The following OTOF variants were observed in gnomAD, a reference collection of about 807,000 sequenced individuals.
OTOF encodes fer-1-like family member 2.
In OTOF, 218 loss-of-function variants were observed where a neutral mutation model predicts 236.8. The observed-to-expected ratio is 0.92, with a 90% CI of 0.82 to 1.03. OTOF has a LOEUF of 1.03. OTOF is among the 50% of genes least tolerant of loss of function. The pLI is 0.00. For missense variants in OTOF, 2,590 were observed against 2,694.4 expected, an observed-to-expected ratio of 0.96 and a Z score of 0.86; for synonymous variants, 1,041 against 1,072.5, an observed-to-expected ratio of 0.97 and a Z score of 0.57.
intron 9 of OTOF, among the ~76,000 whole-genome samples, 170 bp downstream of exon 9, chr2:26,494,769 CAGA>C (rs775918736): frequency 7.9e-5 from 12 of 152,050 alleles, no homozygotes; most frequent in Non-Finnish European, 1.8e-4. Flanking sequence ...TCAGAGGATT[CAGA>C]AGATGTGGCT....
intron 23 of OTOF, 44 bp from the exon 24 acceptor site, chr2:26,476,082 C>A: frequency 6.2e-7 from 1 of 1,611,714 alleles, no homozygotes; most frequent in East Asian, 2.2e-5. Context: ...GGCAGCCCCT[C>A]CGGCCCCCTC....
chr2:26,497,664 AG>A (rs146595707), intron 8 of OTOF, among the ~76,000 whole-genome samples: 3,447 of 152,340 alleles, frequency 0.023, 48 homozygotes, highest in Middle Eastern at 0.044. Flanking sequence ...TTGCCAGGAA[AG>A]GGGATATTTA....
intron 11 of OTOF, among the ~76,000 whole-genome samples, chr2:26,484,935 C>T (rs918452379): frequency 4.6e-5 from 7 of 152,196 alleles, no homozygotes; most frequent in Admixed American, 2.6e-4. Flanking sequence ...TATGGCCCCA[C>T]CCCAGTCAGC....
rs758733355 is a variant in OTOF at position 26,479,315 on chromosome 2, C to G, written c.2163G>C (p.Gln721His). The change falls in exon 18 of 47, where the codon CAG becomes CAC. Residue 721 changes from glutamine to histidine, a missense_variant. Around this residue, in one of 2 missense-constraint regions of OTOF, gnomAD observed 1,379 missense variants for 1,341.6 expected, o/e 1.03. Coordinates refer to ENST00000272371, the MANE Select transcript of OTOF (RefSeq NM_194248.3). ...TGTTGGCATTGTAGAGGCGGCGGCG[C>G]TGGTCCGGCCACCAGCTCTTGATGT... is the stretch of plus-strand genomic sequence containing the variant. ...CIYIKSWWPD[Q>H]RRRLYNANIM... 1.2e-6 allele frequency: 2 copies of G among 1,612,224 alleles called. No homozygotes were observed. Among genetic ancestry groups the G allele is most frequent in the African/African-American group, 2.7e-5 (2 of 74,946 alleles).
At chr2:26,539,243 C>T (rs1475630700) in intron 1 of OTOF, among the ~76,000 whole-genome samples, 1 of 152,098 alleles carries the variant, frequency 6.6e-6, no homozygotes, top group Non-Finnish European at 1.5e-5. Flanking sequence ...GTTGTAATTT[C>T]TGTGAGGAGA....
At chr2:26,504,438 C>T (rs1666198909) in intron 5 of OTOF, among the ~76,000 whole-genome samples, 1 of 152,170 alleles carries the variant, frequency 6.6e-6, no homozygotes, top group Non-Finnish European at 1.5e-5. Context: ...TCTCCGTGTT[C>T]TGGGATGCTC....
rs777587394 is a variant in OTOF at position 26,460,634 on chromosome 2, G to A, written c.5813+13C>T. ...GCCAGAGTGGGGAGGGGCTGGGCCG[G>A]CAGGGCACTCACTTGGGTTTCTCTA... On this transcript the variant is annotated intron_variant, in intron 45 of 46. Transcript: ENST00000272371. This position sits in a 1 kb window ranked among gnomAD's most constrained non-coding sequence, Gnocchi z 5.3. 3.7e-6 allele frequency: 6 copies of A among 1,605,962 alleles called. No individual in the cohort carries two copies. Among genetic ancestry groups the A allele is most frequent in the Non-Finnish European group, 5.1e-6 (6 of 1,172,830 alleles).
intron 18 of OTOF, chr2:26,478,128 G>A: frequency 9.3e-7 from 1 of 1,080,308 alleles, no homozygotes; most frequent in East Asian, 3.2e-5. Flanking sequence ...GAATGCTGGA[G>A]CCTGTGGCAG....
Position 26,558,617 on chromosome 2 carries a change from G to A in OTOF, c.-46C>T, listed in dbSNP as rs1667656160. On this transcript the variant is annotated 5_prime_UTR_variant, in exon 1 of 47. Coordinates refer to ENST00000272371, the MANE Select transcript of OTOF (RefSeq NM_194248.3). ...ACTGCCAGGCAGGAGCAGCGGGAAG[G>A]AGCTAGCCGGTGGAGCACGGCTCAC... 1 of 1,525,910 alleles carries A rather than the reference G, an allele frequency of 6.6e-7. No individual in the cohort carries two copies. The allele number at this position is 1,525,910 out of a possible 1,614,324, so 94.5% of individuals were successfully genotyped here. A position where few individuals can be genotyped will look rare whatever the true frequency, so the allele number is the denominator to read the frequency against.
intron 3 of OTOF, among the ~76,000 whole-genome samples, chr2:26,519,898 G>A (rs571729463): frequency 3.3e-5 from 5 of 152,320 alleles, no homozygotes; most frequent in Admixed American, 6.5e-5. Flanking sequence ...GTTTTGTCGT[G>A]ATTCATGTAC....
At chr2:26,492,129 A>C (rs962324129) in intron 9 of OTOF, among the ~76,000 whole-genome samples, 3 of 152,196 alleles carry the variant, frequency 2.0e-5, no homozygotes, top group African/African-American at 7.2e-5. Flanking sequence ...GGAAAGGCTG[A>C]TTTGGGGCTG....
intron 5 of OTOF, among the ~76,000 whole-genome samples, chr2:26,504,737 C>T (rs2148081742): frequency 6.6e-6 from 1 of 152,290 alleles, no homozygotes; most frequent in South Asian, 2.1e-4. Context: ...CCAGGAAGCC[C>T]CAGGAGCAGG....
intron 1 of OTOF, among the ~76,000 whole-genome samples, chr2:26,543,774 T>C (rs1667262246): frequency 6.6e-6 from 1 of 152,226 alleles, no homozygotes; most frequent in Non-Finnish European, 1.5e-5. Context: ...TGGAGTGCAG[T>C]GGCGTAATCT....
intron 5 of OTOF, among the ~76,000 whole-genome samples, chr2:26,504,160 G>A (rs1666190893): frequency 6.6e-6 from 1 of 152,124 alleles, no homozygotes. Context: ...GCTCCTCTGG[G>A]TCTTGGACTT....
intron 2 of OTOF, among the ~76,000 whole-genome samples, chr2:26,535,590 G>A (rs779460489): frequency 2.6e-5 from 4 of 152,094 alleles, no homozygotes; most frequent in South Asian, 2.1e-4. Flanking sequence ...TCTCCCCATC[G>A]CGTGCCCTGC....
At chr2:26,487,170 G>A (rs561550502) in intron 11 of OTOF, among the ~76,000 whole-genome samples, 5 of 152,250 alleles carry the variant, frequency 3.3e-5, no homozygotes, top group Admixed American at 2.6e-4. Flanking sequence ...AAGAGATATC[G>A]ACACCACCCA....
chr2:26,518,344 A>G (rs905299281), intron 4 of OTOF, among the ~76,000 whole-genome samples: 2 of 152,224 alleles, frequency 1.3e-5, no homozygotes, highest in African/African-American at 4.8e-5. Context: ...TTGAGGTGAT[A>G]TGTAGCTTGC....
At chr2:26,465,458 C>T (rs892409142) in intron 38 of OTOF, among the ~76,000 whole-genome samples, 3 of 152,234 alleles carry the variant, frequency 2.0e-5, no homozygotes, top group African/African-American at 7.2e-5. Context: ...CTCGTCCTGC[C>T]TCCTCTGTCC....
rs1216380530 is a variant in OTOF, at chr2:26,466,092, G to A, written c.4501-16C>T. On this transcript the variant is annotated splice_polypyrimidine_tract_variant and intron_variant, in intron 36 of 46. Coordinates refer to ENST00000272371, the MANE Select transcript of OTOF (RefSeq NM_194248.3). ...GGTCCGTGGCCTGGAATGGGGAGAA[G>A]GGCTGCCTGAGCAGGCTCCCATGCC... The A allele has an allele frequency of 5.0e-6, 8 of 1,614,006 alleles. No homozygotes were observed. The highest frequency in any genetic ancestry group is 1.1e-5 in the South Asian group (1 of 91,066).
Sources: allele counts gnomAD v4.1 joint callset (sites outside exome capture counted in the v4.1 genomes callset), GRCh38; gene constraint gnomAD v4.1.1; regional missense constraint gnomAD v4.1.1; non-coding constraint Gnocchi (gnomAD v3.1); transcripts MANE v1.5; gene names NCBI Gene and HGNC (gene_info 2026-07-23, HGNC 2026-07-21).